Variants in PPP4C observed in about 807,000 individuals in gnomAD.
The protein encoded by PPP4C is protein phosphatase 4 catalytic subunit.
PPP4C carries 10 observed loss-of-function variants against 40.5 expected under a neutral mutation model. The observed-to-expected ratio is 0.25, with a 90% CI of 0.15 to 0.42. PPP4C has a LOEUF of 0.42. Among genes scored for constraint, PPP4C ranks in the 10% least tolerant of loss-of-function variants. The pLI, the probability that PPP4C is intolerant of heterozygous loss-of-function variation, is 1.00. For synonymous variants in PPP4C, 187 were observed against 163.6 expected, an observed-to-expected ratio of 1.14 and a Z score of -1.09; for missense variants, 191 against 416.4, an observed-to-expected ratio of 0.46 and a Z score of 4.71.
intron 2 of PPP4C, among the ~76,000 whole-genome samples, chr16:30,076,696 A>G (rs1312311425): frequency 6.6e-6 from 1 of 152,226 alleles, no homozygotes; most frequent in Non-Finnish European, 1.5e-5. Flanking sequence ...CCAGTGGAGT[A>G]AGAGTGTTAC....
chr16:30,076,586 G>C lies in PPP4C; in HGVS notation c.98+111G>C, dbSNP rs974096098. On this transcript the variant is annotated intron_variant, in intron 2 of 8. Coordinates refer to ENST00000279387, the MANE Select transcript of PPP4C (RefSeq NM_002720.3). ...TTGCCTCGTTCTGGAAGCTTTCCCA[G>C]AGAGGAGCAGGATGGAGCCGCTGCC... The C allele has an allele frequency of 3.6e-6, 4 of 1,120,050 alleles. No homozygotes were observed. In the African/African-American group the frequency reaches 6.2e-5, roughly 17 times the overall value. The allele number at this position is 1,120,050 out of a possible 1,614,324, so 69.4% of individuals were successfully genotyped here.
At position 30,083,225 on chromosome 16, in the gene PPP4C, G is replaced by A; in HGVS notation, c.304-169G>A. The A allele has an allele frequency of 1.4e-6, 1 of 739,448 alleles. No individual in the cohort carries two copies. The highest frequency in any genetic ancestry group is 1.7e-5 in the South Asian group (1 of 58,698). The allele number at this position is 739,448 out of a possible 1,614,324, so 45.8% of individuals were successfully genotyped here. ...GGTCAGCTTTACATTCTCTGGAGGG[G>A]TCGTGTGGGCCTGGGAGGTGGCTGA... On this transcript the variant is annotated intron_variant, in intron 5 of 8. Coordinates refer to ENST00000279387, the MANE Select transcript of PPP4C (RefSeq NM_002720.3). This position sits in a 1 kb window ranked among gnomAD's most constrained non-coding sequence, Gnocchi z 6.3.
rs2072397306 is a variant in PPP4C, at chr16:30,076,408, A to G, written c.31A>G (p.Ile11Val). The G allele has an allele frequency of 1.2e-6, 2 of 1,613,288 alleles. No homozygotes were observed. The highest frequency in any genetic ancestry group is 8.5e-7 in the Non-Finnish European group (1 of 1,179,814). ...GGAGATCAGCGACCTGGACCGGCAG[A>G]TCGAGCAGCTGCGTCGCTGCGAGCT... MAEISDLDRQIEQLRRCELIK... is the reference protein window; with the variant it reads MAEISDLDRQVEQLRRCELIK... The change falls in exon 2 of 9, where the codon ATC becomes GTC. Residue 11 changes from isoleucine (I) to valine (V), a missense_variant. Ile to Val is a conservative substitution (Grantham distance 29). Coordinates refer to ENST00000279387, the MANE Select transcript of PPP4C (RefSeq NM_002720.3).
intron 2 of PPP4C, among the ~76,000 whole-genome samples, chr16:30,079,836 G>A (rs774984353): frequency 1.3e-4 from 20 of 152,156 alleles, no homozygotes; most frequent in Non-Finnish European, 8.8e-5. Flanking sequence ...TAAAGAGTCA[G>A]ACCCCAGAGC....
At chr16:30,082,173 A>G (rs745880024) in intron 3 of PPP4C, among the ~76,000 whole-genome samples, 7 of 152,184 alleles carry the variant, frequency 4.6e-5, no homozygotes, top group South Asian at 2.1e-4. Flanking sequence ...TTCTGCTCAC[A>G]TATCTCCAGG....
At chr16:30,079,128 C>T (rs963404018) in intron 2 of PPP4C, among the ~76,000 whole-genome samples, 1 of 152,032 alleles carries the variant, frequency 6.6e-6, no homozygotes, top group South Asian at 2.1e-4. Context: ...TCCAATTTAG[C>T]CACTCTCCAG....
chr16:30,077,246 G>C (rs1455657753), intron 2 of PPP4C, among the ~76,000 whole-genome samples: 1 of 152,176 alleles, frequency 6.6e-6, no homozygotes, highest in African/African-American at 2.4e-5. Flanking sequence ...GTCTTTATTT[G>C]TAAAGCAGAA....
At chr16:30,078,998 C>T (rs752591296) in intron 2 of PPP4C, among the ~76,000 whole-genome samples, 6 of 152,022 alleles carry the variant, frequency 3.9e-5, no homozygotes, top group Non-Finnish European at 8.8e-5. Context: ...GTTGCGCTGG[C>T]ACTGAGGGGG....
At position 30,084,667 on chromosome 16, in the gene PPP4C, C is replaced by T. The variant is rs2072585189; in HGVS notation, c.606C>T (p.Asp202=). ...TCCATCCCTCCCTTTCCGCATCAGA[C>T]ACCACAGGCTGGGGCGTGAGCCCCC... ...MCDLLWSDPE[D]TTGWGVSPRG... is the part of the protein sequence containing the mutation. Residue 202 remains aspartate (D), a splice_region_variant and synonymous_variant, in exon 8 of 9, where the codon GAC becomes GAT. Transcript: ENST00000279387. 1.2e-6 allele frequency: 2 copies of T among 1,613,962 alleles called. No homozygotes were observed. Among genetic ancestry groups the T allele is most frequent in the Non-Finnish European group, 1.7e-6 (2 of 1,179,798 alleles).
intron 7 of PPP4C, 40 bp from the exon 8 acceptor site, chr16:30,084,626 C>A: frequency 6.3e-7 from 1 of 1,590,842 alleles, no homozygotes. Flanking sequence ...GCCAGAGAAG[C>A]CTGAGGACAT....
At chr16:30,077,513 T>G (rs1032355843) in intron 2 of PPP4C, among the ~76,000 whole-genome samples, 2 of 152,096 alleles carry the variant, frequency 1.3e-5, no homozygotes, top group African/African-American at 2.4e-5. Flanking sequence ...GCAGGACGAA[T>G]GTAACAGTGG....
At chr16:30,080,627 C>T (rs574022745) in intron 2 of PPP4C, among the ~76,000 whole-genome samples, 213 of 151,842 alleles carry the variant, frequency 1.4e-3, no homozygotes, top group Non-Finnish European at 2.5e-3. Flanking sequence ...CTGCCTCAGC[C>T]TCCCAAGTAG....
Position 30,083,576 on chromosome 16 carries a change from G to C in PPP4C, c.477+9G>C. ...CCATCATCGATGGCAAGGTAAGCCA[G>C]CCCAGGGCTCCATGGGACAGGGAGA... On this transcript the variant is annotated intron_variant, in intron 6 of 8. Coordinates refer to ENST00000279387, the MANE Select transcript of PPP4C (RefSeq NM_002720.3). The surrounding 1 kb of genome is among the most constrained non-coding windows in gnomAD (Gnocchi z 6.3). The C allele has an allele frequency of 1.2e-6, 2 of 1,613,990 alleles. No individual in the cohort carries two copies. The highest frequency in any genetic ancestry group is 1.7e-6 in the Non-Finnish European group (2 of 1,179,912).
intron 7 of PPP4C, among the ~76,000 whole-genome samples, 178 bp from the exon 8 acceptor site, chr16:30,084,488 C>A (rs1298734186): frequency 6.6e-6 from 1 of 152,240 alleles, no homozygotes; most frequent in Admixed American, 6.5e-5. Flanking sequence ...GCTTATCTGC[C>A]CCTACATTTG....
chr16:30,078,666 G>T (rs2072448745), intron 2 of PPP4C, among the ~76,000 whole-genome samples: 1 of 152,160 alleles, frequency 6.6e-6, no homozygotes, highest in Non-Finnish European at 1.5e-5. Context: ...GATGAAACCA[G>T]TGGAAGCACA....
At position 30,083,299 on chromosome 16, in the gene PPP4C, T is replaced by G. The variant is rs1383180232; in HGVS notation, c.304-95T>G. 7.1e-7 allele frequency: 1 copy of G among 1,399,942 alleles called. No homozygotes were observed. The highest frequency in any genetic ancestry group is 9.8e-7 in the Non-Finnish European group (1 of 1,018,732). 86.7% of individuals were successfully genotyped at this position (1,399,942 alleles called of 1,614,324 possible). On this transcript the variant is annotated intron_variant, in intron 5 of 8. Coordinates refer to ENST00000279387, the MANE Select transcript of PPP4C (RefSeq NM_002720.3). This position sits in a 1 kb window ranked among gnomAD's most constrained non-coding sequence, Gnocchi z 6.3. ...TGCCAGGAGTGTGCTGGGCAGTGGT[T>G]GTGAGGATGGCAGGCTGGCGGGCAC...
At position 30,081,398 on chromosome 16, in the gene PPP4C, C is replaced by A. The variant is rs1018040840; in HGVS notation, c.150+88C>A. 9.2e-6 allele frequency: 10 copies of A among 1,083,620 alleles called. No homozygotes were observed. In the South Asian group the frequency reaches 1.3e-4, roughly 14 times the overall value. 67.1% of individuals were successfully genotyped at this position (1,083,620 alleles called of 1,614,324 possible). A position where few individuals can be genotyped will look rare whatever the true frequency, so the allele number is the denominator to read the frequency against. On this transcript the variant is annotated intron_variant, in intron 3 of 8. Coordinates refer to ENST00000279387, the MANE Select transcript of PPP4C (RefSeq NM_002720.3). The stretch of plus-strand genomic sequence containing the variant: ...CATCTTGGGGGCTCTATAAGCCCAA[C>A]CCTAAGCTCTTTTATCTGTCCTTTC...
At chr16:30,076,505 C>T in intron 2 of PPP4C, 30 bp downstream of exon 2, 1 of 1,580,204 alleles carries the variant, frequency 6.3e-7, no homozygotes, top group Non-Finnish European at 8.6e-7. Context: ...GGAAGGGAGG[C>T]CAAGCCGCCG....
At chr16:30,082,868 C>T (rs373310468) in intron 5 of PPP4C, 21 bp downstream of exon 5, 5 of 1,606,130 alleles carry the variant, frequency 3.1e-6, no homozygotes, top group East Asian at 4.5e-5. Context: ...CCGGCTTCTG[C>T]ACCCCCAACC....
Sources: gnomAD v4.1 joint callset for allele counts (sites outside exome capture counted in the v4.1 genomes callset) on GRCh38, gnomAD v4.1.1 for gene constraint, Gnocchi (gnomAD v3.1) non-coding constraint, MANE v1.5 for transcripts, NCBI Gene and HGNC (gene_info 2026-07-23, HGNC 2026-07-21) for gene names.